TACC1: variants seen among roughly 807,000 people sequenced by gnomAD.
TACC1 encodes transforming acidic coiled-coil containing protein 1.
TACC1 carries 48 observed loss-of-function variants against 84.4 expected under a neutral mutation model. The ratio of observed to expected loss-of-function variants is 0.57; its 90% CI spans 0.45 to 0.72. The LOEUF is 0.72. Ranked by LOEUF, TACC1 falls within the 30% of genes least tolerant of loss-of-function variation. TACC1 has a pLI of 0.00. For missense variants in TACC1, 920 were observed against 973.0 expected, an observed-to-expected ratio of 0.95 and a Z score of 0.72; for synonymous variants, 372 against 376.3, an observed-to-expected ratio of 0.99 and a Z score of 0.13.
chr8:38,840,315 C>CTTA (rs762451458), intron 9 of TACC1, 48 bp downstream of exon 9: 1 of 1,545,954 alleles, frequency 6.5e-7, no homozygotes. Flanking sequence ...TAGGATCTGT[C>CTTA]TTAGTCTGTT....
intron 2 of TACC1, among the ~76,000 whole-genome samples, chr8:38,816,879 C>A (rs1226282089): frequency 6.6e-6 from 1 of 152,166 alleles, no homozygotes; most frequent in Non-Finnish European, 1.5e-5. Flanking sequence ...CACCCTTTCT[C>A]CCCTCCCTGG....
chr8:38,774,731 G>A (rs547947935), intron 3 of TACC1, among the ~76,000 whole-genome samples: 3 of 152,140 alleles, frequency 2.0e-5, no homozygotes, highest in East Asian at 3.9e-4. Context: ...TATTTTTAAA[G>A]GCCAGCCACG....
intron 2 of TACC1, among the ~76,000 whole-genome samples, chr8:38,812,692 A>G (rs1025728373): frequency 6.6e-6 from 1 of 152,216 alleles, no homozygotes. Flanking sequence ...TGCTCTTAGA[A>G]TAGAACCAGA....
intron 11 of TACC1, chr8:38,843,692 T>A (rs543273641): frequency 2.1e-4 from 38 of 178,840 alleles, no homozygotes; most frequent in Admixed American, 3.7e-4. Context: ...CATACTTCGC[T>A]ATTTTTGCTT....
chr8:38,770,724 A>G (rs866190018), intron 3 of TACC1, among the ~76,000 whole-genome samples: 14 of 151,630 alleles, frequency 9.2e-5, no homozygotes, highest in Middle Eastern at 3.4e-3. Context: ...TTTGGGGGGA[A>G]AAAAAAGCCA....
chr8:38,754,271 C>T (rs1435776235), intron 3 of TACC1, among the ~76,000 whole-genome samples: 1 of 152,072 alleles, frequency 6.6e-6, no homozygotes, highest in African/African-American at 2.4e-5. Flanking sequence ...TACTTTCAAC[C>T]ATTTTAGTGG....
At chr8:38,830,692 G>T (rs1011236175) in intron 5 of TACC1, among the ~76,000 whole-genome samples, 2 of 152,184 alleles carry the variant, frequency 1.3e-5, no homozygotes, top group African/African-American at 4.8e-5. Context: ...GAATTTTAAA[G>T]CTTATTATCT....
intron 3 of TACC1, chr8:38,757,233 C>CCCCCCCAAAA: frequency 9.7e-6 from 5 of 516,058 alleles, no homozygotes; most frequent in Non-Finnish European, 1.4e-5. Flanking sequence ...TCCCTCGCCC[C>CCCCCCCAAAA]ACCCTTCCTC....
intron 3 of TACC1, among the ~76,000 whole-genome samples, chr8:38,762,466 T>G (rs969858619): frequency 6.6e-6 from 1 of 152,238 alleles, no homozygotes; most frequent in African/African-American, 2.4e-5. Context: ...TCTTTATGGC[T>G]GAACAGTATT....
chr8:38,734,847 C>T (rs1295259811), intron 1 of TACC1, among the ~76,000 whole-genome samples: 1 of 152,246 alleles, frequency 6.6e-6, no homozygotes, highest in South Asian at 2.1e-4. Flanking sequence ...CGCAGGCTGG[C>T]GGGGAGTGGC....
chr8:38,757,591 G>A (rs112498996), intron 3 of TACC1, among the ~76,000 whole-genome samples: 6 of 152,104 alleles, frequency 3.9e-5, no homozygotes, highest in African/African-American at 9.6e-5. Flanking sequence ...GGGGCGTCCG[G>A]CTGGGAGCGT....
chr8:38,830,762 G>A (rs545806286), intron 5 of TACC1, among the ~76,000 whole-genome samples: 7 of 152,142 alleles, frequency 4.6e-5, no homozygotes, highest in African/African-American at 1.4e-4. Context: ...AATTCACTCC[G>A]ACTTGATGAT....
intron 3 of TACC1, among the ~76,000 whole-genome samples, chr8:38,769,638 ACG>A (rs1306966934): frequency 1.6e-5 from 2 of 123,650 alleles, no homozygotes; most frequent in South Asian, 2.9e-4. Flanking sequence ...GTGTGTGACT[ACG>A]TGGGGTGTGT....
intron 3 of TACC1, among the ~76,000 whole-genome samples, chr8:38,762,222 C>T (rs531165629): frequency 4.4e-4 from 67 of 152,240 alleles, no homozygotes; most frequent in African/African-American, 1.6e-3. Flanking sequence ...CACCCATTTC[C>T]AGAACTTTTT....
intron 2 of TACC1, among the ~76,000 whole-genome samples, chr8:38,816,619 T>C (rs540582060): frequency 5.3e-5 from 8 of 152,316 alleles, no homozygotes; most frequent in African/African-American, 1.4e-4. Context: ...AAAATACTTA[T>C]ATTTACTGGC....
chr8:38,784,788 G>T (rs534552829), upstream of TACC1, among the ~76,000 whole-genome samples: 1 of 152,274 alleles, frequency 6.6e-6, no homozygotes, highest in Non-Finnish European at 1.5e-5. Flanking sequence ...CTGAGTGTGT[G>T]GTTCTGTCCT....
chr8:38,793,382 A>AAT (rs1819213532), intron 2 of TACC1, among the ~76,000 whole-genome samples: 4 of 152,212 alleles, frequency 2.6e-5, no homozygotes, highest in Admixed American at 2.6e-4. Context: ...CCTGAACAGA[A>AAT]GAATGAGTTT....
At chr8:38,737,886 C>A (rs1806281127) in intron 1 of TACC1, among the ~76,000 whole-genome samples, 7 of 152,028 alleles carry the variant, frequency 4.6e-5, no homozygotes, top group Admixed American at 4.6e-4. Flanking sequence ...TGCCTCCATG[C>A]CTGGCTAATT....
intron 2 of TACC1, among the ~76,000 whole-genome samples, chr8:38,801,061 T>C (rs1821243493): frequency 6.6e-6 from 1 of 152,256 alleles, no homozygotes; most frequent in Non-Finnish European, 1.5e-5. Context: ...TTTAGAGAAA[T>C]GTCTATTCAG....
Sources: allele counts gnomAD v4.1 joint callset (sites outside exome capture counted in the v4.1 genomes callset), GRCh38; gene constraint gnomAD v4.1.1; transcripts MANE v1.5; gene names NCBI Gene and HGNC (gene_info 2026-07-23, HGNC 2026-07-21).